Variants in CNTNAP2 observed in about 807,000 individuals in gnomAD.
CNTNAP2 encodes the protein contactin-associated protein-like 2.
A neutral mutation model predicts 155.2 loss-of-function variants in CNTNAP2; 98 were observed. That is an observed-to-expected ratio of 0.63 (90% CI 0.54 to 0.75). The LOEUF (loss-of-function observed/expected upper bound fraction) is 0.75. Among genes scored for constraint, CNTNAP2 ranks in the 30% least tolerant of loss-of-function variants. The probability of loss-of-function intolerance (pLI) is 0.00; values close to 1 mark genes in which losing one functional copy is unlikely to be tolerated. For synonymous variants in CNTNAP2, 651 were observed against 631.2 expected (o/e 1.03, Z -0.47); for missense variants, 1,727 against 1,688.1 (o/e 1.02, Z -0.40).
At chr7:147,216,704 A>C (rs1803277758) in intron 8 of CNTNAP2, among the ~76,000 whole-genome samples, 1 of 151,990 alleles carries the variant, frequency 6.6e-6, no homozygotes, top group South Asian at 2.1e-4. Context: ...TCAGTTTGTC[A>C]ATTTCTACAA....
At chr7:148,013,157 C>A (rs546494557) in intron 15 of CNTNAP2, 5 of 152,278 alleles carry the variant, frequency 3.3e-5, no homozygotes, top group African/African-American at 1.2e-4. Context: ...CCCACACCAA[C>A]ATGCTGACAA....
intron 14 of CNTNAP2, among the ~76,000 whole-genome samples, chr7:147,923,780 C>G (rs62471060): frequency 0.2 from 30,258 of 152,024 alleles, 3,689 homozygotes; most frequent in Middle Eastern, 0.34. Flanking sequence ...ATTCTTCTAC[C>G]TTGGTCTCCC....
chr7:146,808,065 A>G (rs1426501032), intron 2 of CNTNAP2, among the ~76,000 whole-genome samples: 1 of 152,128 alleles, frequency 6.6e-6, no homozygotes, highest in Non-Finnish European at 1.5e-5. Flanking sequence ...GCAGCCTACA[A>G]AGTTAGTTAC....
In CNTNAP2 at chr7:147,678,580, A is replaced by C. The variant is rs137918079; in HGVS notation, c.2098+39274A>C. Among the ~76,000 whole-genome samples the C allele has an allele frequency of 6.0e-3, 912 of 152,018 alleles. 7 individuals are homozygous for C. The highest frequency in any genetic ancestry group is 0.011 in the Non-Finnish European group (752 of 67,854). ...TTTTTTATTCAGGACAGGTCCAAAA[A>C]ATGGCAAGATAACAGCAAGGGGATT... is the stretch of plus-strand genomic sequence containing the variant. On this transcript the variant is annotated intron_variant, in intron 13 of 23. Coordinates refer to ENST00000361727, the MANE Select transcript of CNTNAP2 (RefSeq NM_014141.6).
chr7:147,879,558 CA>C (rs1295195839), intron 13 of CNTNAP2, among the ~76,000 whole-genome samples: 2 of 152,002 alleles, frequency 1.3e-5, no homozygotes, highest in African/African-American at 2.4e-5. Context: ...TCTAGTTGTG[CA>C]ATAAGTCCGT....
rs553991570 is a variant in CNTNAP2, at chr7:147,283,975, C to T, written c.1349-16166C>T. Among the ~76,000 whole-genome samples the T allele has an allele frequency of 1.2e-4, 18 of 151,672 alleles. No individual in the cohort carries two copies. The East Asian group carries it at 1.4e-3, about 11-fold the overall frequency. On this transcript the variant is annotated intron_variant, in intron 8 of 23. Transcript: ENST00000361727. The stretch of plus-strand genomic sequence containing the variant: ...TTACTAAGATACAATATTCAAGTGA[C>T]GAGTCCTACATTTTCCACATGTAAT...
chr7:147,246,973 C>G (rs916472186), intron 8 of CNTNAP2, among the ~76,000 whole-genome samples: 1 of 152,182 alleles, frequency 6.6e-6, no homozygotes, highest in African/African-American at 2.4e-5. Context: ...GAGACTCAAT[C>G]ACTGAACAGA....
At chr7:147,669,906 A>G (rs1012088898) in intron 13 of CNTNAP2, among the ~76,000 whole-genome samples, 1 of 152,098 alleles carries the variant, frequency 6.6e-6, no homozygotes, top group African/African-American at 2.4e-5. Context: ...AACACCCGTC[A>G]TCTGTTTGTG....
intron 1 of CNTNAP2, among the ~76,000 whole-genome samples, chr7:146,610,059 ATT>A (rs1799109131): frequency 1.3e-5 from 2 of 152,242 alleles, no homozygotes; most frequent in African/African-American, 4.8e-5. Context: ...GGCGAGAACC[ATT>A]GTTTTTAACC....
chr7:146,246,750 C>T (rs1460493385), intron 1 of CNTNAP2, among the ~76,000 whole-genome samples: 2 of 152,150 alleles, frequency 1.3e-5, no homozygotes, highest in Non-Finnish European at 2.9e-5. Context: ...AGTCCGATTT[C>T]TAGTGGTGTC....
chr7:147,062,761 C>T (rs1799707509), intron 4 of CNTNAP2, among the ~76,000 whole-genome samples: 1 of 152,108 alleles, frequency 6.6e-6, no homozygotes, highest in African/African-American at 2.4e-5. Context: ...CATGTAGTAA[C>T]TGTTTGTACT....
intron 8 of CNTNAP2, among the ~76,000 whole-genome samples, chr7:147,179,995 T>C (rs534656285): frequency 6.6e-6 from 1 of 152,020 alleles, no homozygotes; most frequent in South Asian, 2.1e-4. Context: ...TGAGGGAGGG[T>C]ATCAGGACCT....
rs185592850 is a variant in CNTNAP2 at position 147,593,038 on chromosome 7, C to T, written c.1897+30781C>T. Among the ~76,000 whole-genome samples, 309 of 152,178 alleles carry T rather than the reference C, an allele frequency of 2.0e-3. 3 individuals carry two copies. The highest frequency in any genetic ancestry group is 7.0e-3 in the African/African-American group (292 of 41,504). On this transcript the variant is annotated intron_variant, in intron 12 of 23. Transcript: ENST00000361727. ...TATTTCCATTAAAATTACATCACAC[C>T]GAATATCATTACCTAAATATTTTTA...
intron 21 of CNTNAP2, among the ~76,000 whole-genome samples, chr7:148,276,416 C>T (rs1049190736): frequency 1.3e-5 from 2 of 152,174 alleles, no homozygotes; most frequent in Admixed American, 1.3e-4. Flanking sequence ...GTGTCCCAAC[C>T]AAGGCAGGAG....
At chr7:146,245,315 G>C (rs1799627673) in intron 1 of CNTNAP2, among the ~76,000 whole-genome samples, 1 of 152,180 alleles carries the variant, frequency 6.6e-6, no homozygotes, top group African/African-American at 2.4e-5. Flanking sequence ...TTAACAAAGA[G>C]TGAGTACAGC....
At chr7:146,426,515 G>A (rs915550095) in intron 1 of CNTNAP2, among the ~76,000 whole-genome samples, 7 of 150,146 alleles carry the variant, frequency 4.7e-5, no homozygotes, top group African/African-American at 1.7e-4. Flanking sequence ...TTGTACACGT[G>A]TGTATATTAT....
chr7:146,616,884 TAC>T (rs1376310521), intron 1 of CNTNAP2, among the ~76,000 whole-genome samples: 1 of 152,214 alleles, frequency 6.6e-6, no homozygotes, highest in Non-Finnish European at 1.5e-5. Context: ...TGAGATTAGA[TAC>T]AGTTTATTCC....
At chr7:147,393,051 A>G (rs1796747520) in intron 9 of CNTNAP2, among the ~76,000 whole-genome samples, 1 of 152,066 alleles carries the variant, frequency 6.6e-6, no homozygotes, top group South Asian at 2.1e-4. Context: ...GAAGTAAGTG[A>G]TCTCAGAGAC....
At chr7:148,060,234 C>A (rs191209797) in intron 15 of CNTNAP2, among the ~76,000 whole-genome samples, 13 of 152,128 alleles carry the variant, frequency 8.5e-5, no homozygotes, top group Non-Finnish European at 1.6e-4. Context: ...TGTTTTGAAC[C>A]TTAAAACTGC....
Sources: gnomAD v4.1 joint callset for allele counts (sites outside exome capture counted in the v4.1 genomes callset) on GRCh38, gnomAD v4.1.1 for gene constraint, MANE v1.5 for transcripts, NCBI Gene and HGNC (gene_info 2026-07-23, HGNC 2026-07-21) for gene names.